Variants in P2RX3 observed in about 807,000 individuals in gnomAD.
The protein encoded by P2RX3 is P2X purinoceptor 3.
Under a neutral mutation model 51.5 loss-of-function variants are expected in P2RX3, and 41 were observed. The ratio of observed to expected loss-of-function variants is 0.80; its 90% CI spans 0.62 to 1.03. The LOEUF is 1.03. P2RX3 is among the 50% of genes least tolerant of loss of function. The probability of loss-of-function intolerance (pLI) is 0.00; values close to 1 mark genes in which losing one functional copy is unlikely to be tolerated. For synonymous variants in P2RX3, 185 were observed against 191.6 expected (o/e 0.97, Z 0.29); for missense variants, 459 against 522.1 (o/e 0.88, Z 1.18).
At chr11:57,343,363 G>A (rs947047906) in intron 1 of P2RX3, among the ~76,000 whole-genome samples, 5 of 152,246 alleles carry the variant, frequency 3.3e-5, no homozygotes, top group East Asian at 1.9e-4. Context: ...TGGAGCAGGA[G>A]CTGGTAGGAA....
At chr11:57,347,005 T>C in intron 2 of P2RX3, 111 bp from the exon 3 acceptor site, 2 of 1,205,958 alleles carry the variant, frequency 1.7e-6, no homozygotes, top group Non-Finnish European at 2.4e-6. Flanking sequence ...GCCAAGTCAC[T>C]AGACACAAGC....
Position 57,346,982 on chromosome 11 carries a change from C to T in P2RX3, c.256-134C>T, listed in dbSNP as rs532007280. 25 of 960,614 alleles carry T rather than the reference C, an allele frequency of 2.6e-5. No homozygotes were observed. The South Asian group carries it at 3.6e-4, about 14-fold the overall frequency. 59.5% of individuals were successfully genotyped at this position (960,614 alleles called of 1,614,324 possible). A position where few individuals can be genotyped will look rare whatever the true frequency, so the allele number is the denominator to read the frequency against. On this transcript the variant is annotated intron_variant, in intron 2 of 11. Transcript: ENST00000263314. ...AAGAGCCAGCTCTGCCCCTCACCAGCCCTGTGACCTTGGCCAAGTCACTAG... is the reference window on the plus strand; with the variant it reads ...AAGAGCCAGCTCTGCCCCTCACCAGTCCTGTGACCTTGGCCAAGTCACTAG...
intron 8 of P2RX3, among the ~76,000 whole-genome samples, chr11:57,360,852 G>A (rs964262319): frequency 9.2e-5 from 14 of 151,782 alleles, no homozygotes; most frequent in East Asian, 3.9e-4. Context: ...CTCATAGTCC[G>A]TAGTCCAAAT....
At chr11:57,346,830 T>A (rs1021030296) in intron 2 of P2RX3, 151 bp downstream of exon 2, 59 of 1,221,472 alleles carry the variant, frequency 4.8e-5, no homozygotes, top group Non-Finnish European at 6.3e-5. Context: ...AGCTGAGAGC[T>A]GTGTGAGAGC....
Position 57,368,050 on chromosome 11 carries a change from G to T in P2RX3, c.884G>T (p.Arg295Leu). 6.2e-7 allele frequency: 1 copy of T among 1,614,108 alleles called. No homozygotes were observed. The highest frequency in any genetic ancestry group is 8.5e-7 in the Non-Finnish European group (1 of 1,180,016). ...YYKMENGSEY[R>L]TLLKAFGIRF... is the part of the protein sequence containing the mutation. Reference sequence around the variant, plus strand: ...AAAATGGAAAATGGCAGTGAGTACCGCACCCTCCTGAAGGCTTTTGGCATC... The same window carrying T: ...AAAATGGAAAATGGCAGTGAGTACCTCACCCTCCTGAAGGCTTTTGGCATC... The change falls in exon 9 of 12, where the codon CGC (arginine) becomes CTC (leucine). Residue 295 changes from arginine (R) to leucine (L), a missense_variant. Physicochemically the swap from Arg to Leu is moderately radical, Grantham distance 102. Coordinates refer to ENST00000263314, the MANE Select transcript of P2RX3 (RefSeq NM_002559.5).
rs558811199 is a variant in P2RX3, at chr11:57,349,244, C to T, written c.564-513C>T. On this transcript the variant is annotated intron_variant, in intron 6 of 11. Coordinates refer to ENST00000263314, the MANE Select transcript of P2RX3 (RefSeq NM_002559.5). ...TTGGGAGGCCGAGAAGGGTGGATCA[C>T]GAGGTCAGGAGTTTGCGACCAGCCT... Among the ~76,000 whole-genome samples, 321 of 150,236 alleles carry T rather than the reference C, an allele frequency of 2.1e-3. 1 individual carries two copies. Among genetic ancestry groups the T allele is most frequent in the Non-Finnish European group, 3.9e-3 (263 of 67,798 alleles).
chr11:57,344,953 C>A (rs891048376), intron 1 of P2RX3, among the ~76,000 whole-genome samples: 1 of 152,142 alleles, frequency 6.6e-6, no homozygotes, highest in East Asian at 1.9e-4. Context: ...CAGTAGGTGA[C>A]CCCAGAGATC....
intron 4 of P2RX3, 135 bp from the exon 5 acceptor site, chr11:57,348,035 G>A (rs1856473276): frequency 3.9e-6 from 3 of 761,566 alleles, no homozygotes; most frequent in Admixed American, 2.9e-5. Context: ...CAGGAGAGAA[G>A]TCAGCTCCCT....
At chr11:57,365,301 C>CT (rs1856781834) in intron 8 of P2RX3, among the ~76,000 whole-genome samples, 2 of 152,204 alleles carry the variant, frequency 1.3e-5, no homozygotes, top group African/African-American at 4.8e-5. Flanking sequence ...AGTGAAGGGC[C>CT]TCTGTGCTGG....
At chr11:57,362,444 AT>A (rs1856735189) in intron 8 of P2RX3, among the ~76,000 whole-genome samples, 1 of 152,216 alleles carries the variant, frequency 6.6e-6, no homozygotes, top group South Asian at 2.1e-4. Flanking sequence ...TAGCTGAGCC[AT>A]TCCCCTTTTT....
In P2RX3 at chr11:57,371,474, C is replaced by T. The variant is rs539261389; in HGVS notation, c.*1477C>T. Reference sequence around the variant, plus strand: ...CACCAGCTCAACTGTAGATGGAGGGCGGCCCCTCAACACACGGCACAGGAA... The same window carrying T: ...CACCAGCTCAACTGTAGATGGAGGGTGGCCCCTCAACACACGGCACAGGAA... On this transcript the variant is annotated 3_prime_UTR_variant, in exon 12 of 12. Coordinates refer to ENST00000263314, the MANE Select transcript of P2RX3 (RefSeq NM_002559.5). Among the ~76,000 whole-genome samples, 10 of 152,302 alleles carry T rather than the reference C, an allele frequency of 6.6e-5. No individual in the cohort carries two copies. Among genetic ancestry groups the T allele is most frequent in the South Asian group, 2.1e-4 (1 of 4,824 alleles).
At chr11:57,369,571 C>A in intron 11 of P2RX3, 133 bp downstream of exon 11, 1 of 844,716 alleles carries the variant, frequency 1.2e-6, no homozygotes, top group Non-Finnish European at 1.8e-6. Flanking sequence ...TATTTGGGGT[C>A]CAGACAAGGG....
Position 57,338,520 on chromosome 11 carries a change from C to T in P2RX3, c.-31C>T, listed in dbSNP as rs2134401099. On this transcript the variant is annotated 5_prime_UTR_variant, in exon 1 of 12. Transcript: ENST00000263314. Reference sequence around the variant, plus strand: ...TCTCCTGAGGCCACCACTGGGCCCCCTTCTGAGTGTCCCCTGAGCACTCTC... The same window carrying T: ...TCTCCTGAGGCCACCACTGGGCCCCTTTCTGAGTGTCCCCTGAGCACTCTC... 1 of 1,523,364 alleles carries T rather than the reference C, an allele frequency of 6.6e-7. No homozygotes were observed. The allele number at this position is 1,523,364 out of a possible 1,614,324, so 94.4% of individuals were successfully genotyped here.
Position 57,348,679 on chromosome 11 carries a change from C to T in P2RX3, c.538C>T (p.Arg180Cys), listed in dbSNP as rs569824102. Residue 180 changes from arginine to cysteine, a missense_variant, in exon 6 of 12, where the codon CGT becomes TGT. Coordinates refer to ENST00000263314, the MANE Select transcript of P2RX3 (RefSeq NM_002559.5). ...NFTIFIKNSI[R>C]FPLFNFEKGN... ...CACTATTTTCATCAAGAACAGCATC[C>T]GTTTCCCCCTCTTCAACTTTGAGAA... 2.2e-5 allele frequency: 35 copies of T among 1,613,774 alleles called. No individual in the cohort carries two copies. The East Asian group carries it at 4.7e-4, about 22-fold the overall frequency.
chr11:57,349,974 C>A, intron 7 of P2RX3, 76 bp downstream of exon 7: 1 of 1,576,948 alleles, frequency 6.3e-7, no homozygotes, highest in Non-Finnish European at 8.6e-7. Context: ...GGCCCTTTGG[C>A]CGGCACTGGC....
At position 57,370,065 on chromosome 11, in the gene P2RX3, A is replaced by G. The variant is rs75006106; in HGVS notation, c.*68A>G. ...CCCCACAGAGGACCCTGCCTGAGCA[A>G]GGGGCATGGGAGGGAAGAGGGGCTC... On this transcript the variant is annotated 3_prime_UTR_variant, in exon 12 of 12. Transcript: ENST00000263314. 5 of 1,032,684 alleles carry G rather than the reference A, an allele frequency of 4.8e-6. No homozygotes were observed. The Admixed American group carries it at 6.1e-5, about 13-fold the overall frequency. 64.0% of individuals were successfully genotyped at this position (1,032,684 alleles called of 1,614,324 possible).
chr11:57,371,381 G>T lies in P2RX3; in HGVS notation c.*1384G>T, dbSNP rs1048761402. Among the ~76,000 whole-genome samples the T allele has an allele frequency of 6.6e-6, 1 of 152,238 alleles. No homozygotes were observed. The highest frequency in any genetic ancestry group is 1.5e-5 in the Non-Finnish European group (1 of 68,034). On this transcript the variant is annotated 3_prime_UTR_variant, in exon 12 of 12. Coordinates refer to ENST00000263314, the MANE Select transcript of P2RX3 (RefSeq NM_002559.5). ...ATGCAAGTGAATGAGCCTAAAGAAT[G>T]TTTCAATAGCTTCATGATAAATCTG...
At chr11:57,364,930 C>T (rs1856775217) in intron 8 of P2RX3, among the ~76,000 whole-genome samples, 1 of 152,312 alleles carries the variant, frequency 6.6e-6, no homozygotes, top group Admixed American at 6.5e-5. Context: ...CCTTGCCTCC[C>T]CTGCCCCTCC....
At chr11:57,337,746 G>A (rs1441986943), upstream of P2RX3, among the ~76,000 whole-genome samples, 1 of 152,152 alleles carries the variant, frequency 6.6e-6, no homozygotes, top group East Asian at 1.9e-4. Flanking sequence ...TACAGTTAAC[G>A]GGTGCAACAC....
Sources: gnomAD v4.1 joint callset for allele counts (sites outside exome capture counted in the v4.1 genomes callset) on GRCh38, gnomAD v4.1.1 for gene constraint, MANE v1.5 for transcripts, NCBI Gene and HGNC (gene_info 2026-07-23, HGNC 2026-07-21) for gene names.